The following STK10 variants were observed in gnomAD, a reference collection of about 807,000 sequenced individuals.
STK10 encodes the protein serine/threonine kinase 10.
STK10 carries 78 observed loss-of-function variants against 113.8 expected under a neutral mutation model. That is an observed-to-expected ratio of 0.69 (90% CI 0.57 to 0.83). The LOEUF (loss-of-function observed/expected upper bound fraction) is 0.83. Among genes scored for constraint, STK10 ranks in the 40% least tolerant of loss-of-function variants. The pLI, the probability that STK10 is intolerant of heterozygous loss-of-function variation, is 0.00. For missense variants in STK10, 1,109 were observed against 1,280.1 expected (o/e 0.87, Z 2.04); for synonymous variants, 465 against 494.7 (o/e 0.94, Z 0.80).
At chr5:172,123,795 G>A (rs903196807) in intron 3 of STK10, among the ~76,000 whole-genome samples, 2 of 152,116 alleles carry the variant, frequency 1.3e-5, no homozygotes, top group Non-Finnish European at 1.5e-5. Flanking sequence ...TTGGAATTCA[G>A]ATGTGATGGC....
intron 15 of STK10, among the ~76,000 whole-genome samples, chr5:172,056,062 A>T (rs900291866): frequency 6.6e-6 from 1 of 152,234 alleles, no homozygotes; most frequent in African/African-American, 2.4e-5. Flanking sequence ...CAAAATGTAC[A>T]CGAAAGGGGA....
At chr5:172,073,720 G>A (rs1768247128) in intron 12 of STK10, among the ~76,000 whole-genome samples, 1 of 148,708 alleles carries the variant, frequency 6.7e-6, no homozygotes, top group South Asian at 2.1e-4. Flanking sequence ...GCTGAGTTGG[G>A]TGGATAATTT....
intron 18 of STK10, among the ~76,000 whole-genome samples, chr5:172,049,240 T>C (rs1767573081): frequency 1.3e-5 from 2 of 152,132 alleles, no homozygotes; most frequent in Non-Finnish European, 2.9e-5. Context: ...ATGTGTTGCA[T>C]TAATACACAA....
At position 172,109,407 on chromosome 5, in the gene STK10, C is replaced by T. The variant is rs184128994; in HGVS notation, c.521-1555G>A. On this transcript the variant is annotated intron_variant, in intron 4 of 18. Coordinates refer to ENST00000176763, the MANE Select transcript of STK10 (RefSeq NM_005990.4). ...GCACAATCATGGCTCACTGCAGCCT[C>T]AACCTCCCAGGCTCAAGCAATCCTC... Among the ~76,000 whole-genome samples the T allele has an allele frequency of 7.2e-3, 1,095 of 151,954 alleles. 5 individuals carry two copies. The highest frequency in any genetic ancestry group is 0.012 in the Non-Finnish European group (824 of 67,960).
chr5:172,117,388 T>G, intron 4 of STK10, 93 bp downstream of exon 4: 7 of 1,507,360 alleles, frequency 4.6e-6, no homozygotes, highest in Non-Finnish European at 5.4e-6. Flanking sequence ...CACACCCCCA[T>G]GAGGTCCACA....
At chr5:172,127,328 C>G (rs761820561) in intron 3 of STK10, 45 bp downstream of exon 3, 2 of 1,610,546 alleles carry the variant, frequency 1.2e-6, no homozygotes, top group South Asian at 2.2e-5. Context: ...GGACTCCAAA[C>G]GAGTCGTCTG....
chr5:172,096,286 C>T (rs180791829), intron 8 of STK10, 140 bp downstream of exon 8: 51 of 1,347,726 alleles, frequency 3.8e-5, no homozygotes, highest in African/African-American at 2.2e-4. Context: ...TTACCTGCAG[C>T]GTGGGAGTCT....
intron 1 of STK10, among the ~76,000 whole-genome samples, chr5:172,165,076 C>G (rs1379448390): frequency 5.3e-5 from 8 of 152,304 alleles, no homozygotes; most frequent in African/African-American, 1.9e-4. Context: ...CTGCTTCACC[C>G]AAGGGGCCCA....
chr5:172,089,796 G>C (rs994203244), intron 10 of STK10, among the ~76,000 whole-genome samples: 1 of 152,076 alleles, frequency 6.6e-6, no homozygotes, highest in Non-Finnish European at 1.5e-5. Flanking sequence ...TGGGTGGATA[G>C]ATGGATAGGC....
At chr5:172,178,798 C>G (rs1438920714) in intron 1 of STK10, among the ~76,000 whole-genome samples, 2 of 152,168 alleles carry the variant, frequency 1.3e-5, no homozygotes, top group African/African-American at 4.8e-5. Context: ...AATAAAGGAA[C>G]GCTCGTCTGC....
chr5:172,075,804 A>C (rs1768292652), intron 12 of STK10, among the ~76,000 whole-genome samples: 1 of 152,236 alleles, frequency 6.6e-6, no homozygotes, highest in South Asian at 2.1e-4. Flanking sequence ...ACACCACTTT[A>C]CACCTATCAG....
chr5:172,106,549 CG>C, intron 6 of STK10, 70 bp downstream of exon 6: 1 of 1,476,548 alleles, frequency 6.8e-7, no homozygotes, highest in Non-Finnish European at 9.1e-7. Context: ...TCCCCAGCCC[CG>C]TCCACCACAT....
At chr5:172,058,833 T>C (rs532974075) in intron 14 of STK10, among the ~76,000 whole-genome samples, 2 of 152,196 alleles carry the variant, frequency 1.3e-5, no homozygotes, top group Admixed American at 6.5e-5. Flanking sequence ...GAGGCTGCAG[T>C]GAGCCAATAT....
At chr5:172,144,629 T>C (rs1234487051) in intron 2 of STK10, among the ~76,000 whole-genome samples, 1 of 152,100 alleles carries the variant, frequency 6.6e-6, no homozygotes, top group African/African-American at 2.4e-5. Context: ...GGGCCAGGCG[T>C]GTTCCTCCAC....
intron 3 of STK10, among the ~76,000 whole-genome samples, chr5:172,118,910 G>A (rs1769444741): frequency 6.9e-6 from 1 of 144,342 alleles, no homozygotes; most frequent in Non-Finnish European, 1.5e-5. Context: ...GTCCACTGAG[G>A]AGACCCTCTC....
chr5:172,081,953 G>A (rs1054415781), intron 12 of STK10, among the ~76,000 whole-genome samples: 2 of 152,146 alleles, frequency 1.3e-5, no homozygotes, highest in Non-Finnish European at 2.9e-5. Flanking sequence ...CATGTTGTAT[G>A]TGCCTACCCA....
At chr5:172,130,156 G>A (rs993765560) in intron 2 of STK10, among the ~76,000 whole-genome samples, 9 of 152,116 alleles carry the variant, frequency 5.9e-5, no homozygotes, top group East Asian at 3.8e-4. Flanking sequence ...TTGGACAACC[G>A]CCAATCCTCT....
rs58823824 is a variant in STK10, at chr5:172,078,619, T to TA, written c.1989+3706dup. 4.4e-3 allele frequency among the ~76,000 whole-genome samples: 317 copies of TA among 72,696 alleles called. 23 individuals are homozygous for TA. The highest frequency in any genetic ancestry group is 5.9e-3 in the Non-Finnish European group (187 of 31,662). The allele number at this position is 72,696 out of a possible 152,430, so 47.7% of individuals were successfully genotyped here. A position where few individuals can be genotyped will look rare whatever the true frequency, so the allele number is the denominator to read the frequency against. ...TGCCACTGCATTCCAGCCTCATCATTAAAAAAAAAAAAAAAAAAAAAAAAA... is the reference window on the plus strand; with the variant it reads ...TGCCACTGCATTCCAGCCTCATCATTAAAAAAAAAAAAAAAAAAAAAAAAAA... On this transcript the variant is annotated intron_variant, in intron 12 of 18. Coordinates refer to ENST00000176763, the MANE Select transcript of STK10 (RefSeq NM_005990.4).
chr5:172,059,221 G>C (rs1767876546), intron 14 of STK10, among the ~76,000 whole-genome samples: 1 of 152,072 alleles, frequency 6.6e-6, no homozygotes, highest in Non-Finnish European at 1.5e-5. Context: ...AGGAGTTCAA[G>C]ACCGGCCTGG....
Sources: gnomAD v4.1 joint callset for allele counts (sites outside exome capture counted in the v4.1 genomes callset) on GRCh38, gnomAD v4.1.1 for gene constraint, MANE v1.5 for transcripts, NCBI Gene and HGNC (gene_info 2026-07-23, HGNC 2026-07-21) for gene names.